VPS13C: variants seen among roughly 807,000 people sequenced by gnomAD.
VPS13C encodes vacuolar protein sorting 13 homolog C, also known as intermembrane lipid transfer protein VPS13C.
A neutral mutation model predicts 456.8 loss-of-function variants in VPS13C; 358 were observed. That is an observed-to-expected ratio of 0.78 (90% CI 0.72 to 0.86). The LOEUF is 0.86. VPS13C is among the 40% of genes least tolerant of loss of function. The probability of loss-of-function intolerance (pLI) is 0.00; values close to 1 mark genes in which losing one functional copy is unlikely to be tolerated. For missense variants in VPS13C, 4,818 were observed against 4,385.4 expected (o/e 1.10, Z -2.79); for synonymous variants, 1,578 against 1,486.7 (o/e 1.06, Z -1.41).
At chr15:61,881,725 G>A in intron 70 of VPS13C, 22 bp downstream of exon 70, 2 of 1,606,542 alleles carry the variant, frequency 1.2e-6, no homozygotes, top group Non-Finnish European at 8.5e-7. Context: ...GTATATCTAT[G>A]TCACAACTTA....
chr15:61,927,064 A>C, intron 52 of VPS13C, 27 bp downstream of exon 52: 1 of 1,596,640 alleles, frequency 6.3e-7, no homozygotes, highest in Non-Finnish European at 8.6e-7. Flanking sequence ...TCTTCAACCC[A>C]AGATTAGGAC....
At chr15:61,945,522 T>C (rs1018305948) in intron 45 of VPS13C, among the ~76,000 whole-genome samples, 193 bp downstream of exon 45, 1 of 152,232 alleles carries the variant, frequency 6.6e-6, no homozygotes, top group Non-Finnish European at 1.5e-5. Flanking sequence ...AGTCTATATC[T>C]TCAAAACAAT....
At chr15:61,878,138 T>A (rs992809410) in intron 74 of VPS13C, among the ~76,000 whole-genome samples, 1 of 151,904 alleles carries the variant, frequency 6.6e-6, no homozygotes, top group Non-Finnish European at 1.5e-5. Context: ...TTATATTTTA[T>A]CATTCGTTTC....
intron 66 of VPS13C, among the ~76,000 whole-genome samples, chr15:61,897,061 C>T (rs2042845402): frequency 6.6e-6 from 1 of 152,156 alleles, no homozygotes; most frequent in Non-Finnish European, 1.5e-5. Context: ...AGAAGGAAAA[C>T]TAACAAACAG....
chr15:62,016,250 G>C (rs1596480660), intron 9 of VPS13C, among the ~76,000 whole-genome samples: 1 of 150,602 alleles, frequency 6.6e-6, no homozygotes, highest in Non-Finnish European at 1.5e-5. Flanking sequence ...ATGGTTCACT[G>C]TCCTTAACTT....
At chr15:61,902,980 A>G (rs948236672) in intron 66 of VPS13C, among the ~76,000 whole-genome samples, 3 of 152,042 alleles carry the variant, frequency 2.0e-5, no homozygotes, top group African/African-American at 7.2e-5. Flanking sequence ...AAAAGAAAAA[A>G]CCTGTTAAAA....
At chr15:62,049,421 C>T (rs954033495) in intron 1 of VPS13C, among the ~76,000 whole-genome samples, 15 of 152,036 alleles carry the variant, frequency 9.9e-5, no homozygotes, top group Non-Finnish European at 1.9e-4. Context: ...TGTAGATATG[C>T]GGCATTATTT....
intron 66 of VPS13C, among the ~76,000 whole-genome samples, chr15:61,905,836 A>G (rs2043138798): frequency 6.6e-6 from 1 of 152,198 alleles, no homozygotes; most frequent in Admixed American, 6.5e-5. Flanking sequence ...AATATATAGT[A>G]TGCACAGAAT....
intron 66 of VPS13C, among the ~76,000 whole-genome samples, chr15:61,901,557 A>G (rs1159026715): frequency 1.3e-5 from 2 of 152,236 alleles, no homozygotes; most frequent in Non-Finnish European, 2.9e-5. Context: ...CAAAACCCCA[A>G]TGAGATACCA....
At position 61,856,323 on chromosome 15, in the gene VPS13C, G is replaced by A. The variant is rs114632300; in HGVS notation, c.11039C>T (p.Pro3680Leu). 1 of 1,613,244 alleles carries A rather than the reference G, an allele frequency of 6.2e-7. No homozygotes were observed. Among genetic ancestry groups the A allele is most frequent in the African/African-American group, 1.3e-5 (1 of 74,956 alleles). ...QCPFEDFVFPPSVSENVLKIS... is the reference protein window; with the variant it reads ...QCPFEDFVFPLSVSENVLKIS... ...TTTTAGCACATTTTCACTGACACTA[G>A]GAGGAAATACAAAATCTTCAAATGG... The change falls in exon 83 of 85, where the codon CCT (proline) becomes CTT (leucine). Residue 3680 changes from proline to leucine, a missense_variant. This residue lies in a region of VPS13C where 261 missense variants were observed against 234.1 expected (regional missense o/e 1.11). Transcript: ENST00000644861.
chr15:61,886,479 G>A (rs1490639241), intron 67 of VPS13C, among the ~76,000 whole-genome samples: 5 of 151,902 alleles, frequency 3.3e-5, no homozygotes, highest in Middle Eastern at 3.4e-3. Context: ...TTGATATGAC[G>A]GATATATATC....
chr15:62,053,106 G>A (rs1443989426), intron 1 of VPS13C, among the ~76,000 whole-genome samples: 1 of 152,156 alleles, frequency 6.6e-6, no homozygotes, highest in East Asian at 1.9e-4. Flanking sequence ...GCTTTAACTG[G>A]TAGTAACTGA....
intron 6 of VPS13C, among the ~76,000 whole-genome samples, chr15:62,027,975 T>A (rs1293894846): frequency 6.6e-6 from 1 of 152,040 alleles, no homozygotes; most frequent in Non-Finnish European, 1.5e-5. Context: ...GCTTTTTACG[T>A]TCCAAAACCA....
chr15:61,869,686 A>T lies in VPS13C; in HGVS notation c.10625-63T>A, dbSNP rs886779889. The T allele has an allele frequency of 1.1e-5, 17 of 1,601,942 alleles. No individual in the cohort carries two copies. In the South Asian group the frequency reaches 1.1e-4, roughly 11 times the overall value. On this transcript the variant is annotated intron_variant, in intron 79 of 84. Transcript: ENST00000644861. ...TTTTAAATGAGCAAGTTTGAGCTCAACCAAAACCTGGGCCAGATACTGAAC... is the reference window on the plus strand; with the variant it reads ...TTTTAAATGAGCAAGTTTGAGCTCATCCAAAACCTGGGCCAGATACTGAAC...
chr15:61,884,026 T>A (rs1179986591), intron 68 of VPS13C, 102 bp downstream of exon 68: 1 of 1,081,670 alleles, frequency 9.2e-7, no homozygotes, highest in Non-Finnish European at 1.3e-6. Flanking sequence ...AATAAATAAG[T>A]TCATTTCTGC....
At chr15:61,973,404 A>C in intron 26 of VPS13C, 50 bp downstream of exon 26, 1 of 1,460,076 alleles carries the variant, frequency 6.8e-7, no homozygotes, top group Non-Finnish European at 9.6e-7. Flanking sequence ...TCTCTGTATA[A>C]CAATGTATAG....
chr15:61,928,521 T>A (rs183199282), intron 51 of VPS13C, among the ~76,000 whole-genome samples: 47 of 152,298 alleles, frequency 3.1e-4, no homozygotes, highest in African/African-American at 1.1e-3. Flanking sequence ...CCAGGACATA[T>A]TAGTTTTCCA....
chr15:61,860,732 A>C (rs779812963), intron 82 of VPS13C, among the ~76,000 whole-genome samples: 7 of 152,106 alleles, frequency 4.6e-5, no homozygotes, highest in Non-Finnish European at 1.0e-4. Flanking sequence ...TTTTTTGTAC[A>C]TAGTTTTCGT....
intron 18 of VPS13C, among the ~76,000 whole-genome samples, chr15:61,988,186 T>C (rs559795920): frequency 6.6e-6 from 1 of 152,320 alleles, no homozygotes; most frequent in East Asian, 1.9e-4. Flanking sequence ...AGTGTTTGTT[T>C]TGCAAGGCAA....
Sources: allele counts gnomAD v4.1 joint callset (sites outside exome capture counted in the v4.1 genomes callset), GRCh38; gene constraint gnomAD v4.1.1; regional missense constraint gnomAD v4.1.1; transcripts MANE v1.5; gene names NCBI Gene and HGNC (gene_info 2026-07-23, HGNC 2026-07-21).